Variants in UGT2A3 observed in about 807,000 individuals in gnomAD.
The protein encoded by UGT2A3 is UDP-glucuronosyltransferase 2A3.
A neutral mutation model predicts 44.1 loss-of-function variants in UGT2A3; 55 were observed. That is an observed-to-expected ratio of 1.25 (90% CI 1.00 to 1.56). UGT2A3 has a LOEUF of 1.56. UGT2A3 is among the 40% of genes most tolerant of loss of function. The probability of loss-of-function intolerance (pLI) is 0.00; values close to 1 mark genes in which losing one functional copy is unlikely to be tolerated. For missense variants in UGT2A3, 733 were observed against 621.6 expected, an observed-to-expected ratio of 1.18 and a Z score of -1.91; for synonymous variants, 243 against 215.1, an observed-to-expected ratio of 1.13 and a Z score of -1.13.
At chr4:68,948,179 TTACTGAG>T (rs941362726) in intron 1 of UGT2A3, among the ~76,000 whole-genome samples, 12 of 151,826 alleles carry the variant, frequency 7.9e-5, no homozygotes, top group African/African-American at 2.9e-4. Flanking sequence ...GTAGCCACAT[TTACTGAG>T]TATATTAGCT....
chr4:68,931,858 T>G, intron 3 of UGT2A3, among the ~76,000 whole-genome samples: 1 of 152,006 alleles, frequency 6.6e-6, no homozygotes, highest in East Asian at 1.9e-4. Flanking sequence ...CTATACAAAT[T>G]TTATACATTT....
intron 1 of UGT2A3, among the ~76,000 whole-genome samples, chr4:68,947,677 T>G (rs1718429698): frequency 6.6e-6 from 1 of 151,846 alleles, no homozygotes; most frequent in Non-Finnish European, 1.5e-5. Flanking sequence ...ATTTCTTACA[T>G]AAGACTTGAA....
At chr4:68,944,255 T>G (rs995576582) in intron 2 of UGT2A3, among the ~76,000 whole-genome samples, 6 of 151,906 alleles carry the variant, frequency 3.9e-5, no homozygotes, top group Middle Eastern at 3.4e-3. Flanking sequence ...TGTCTTCCAG[T>G]GTAAACAAGT....
At chr4:68,935,695 C>T (rs1343714509) in intron 2 of UGT2A3, among the ~76,000 whole-genome samples, 2 of 151,998 alleles carry the variant, frequency 1.3e-5, no homozygotes, top group South Asian at 2.1e-4. Context: ...TGGATCAAAG[C>T]TGGATGGAGA....
intron 2 of UGT2A3, among the ~76,000 whole-genome samples, chr4:68,940,829 G>C (rs1486342394): frequency 6.8e-6 from 1 of 147,184 alleles, no homozygotes; most frequent in Non-Finnish European, 1.5e-5. Flanking sequence ...CACCAAAACA[G>C]TATGGCAGTG....
chr4:68,943,198 AGTGTGTGTTTGTGTGTGTGTGTTTGTGT>A, intron 2 of UGT2A3: 2 of 476,890 alleles, frequency 4.2e-6, no homozygotes, highest in Non-Finnish European at 6.5e-6. Flanking sequence ...TATTTCTATG[AGTGTGTGTTTGTGTGTGTGTGTTTGTGT>A]GTGTGTGTAA....
intron 2 of UGT2A3, among the ~76,000 whole-genome samples, chr4:68,933,317 G>T (rs1041428565): frequency 6.6e-6 from 1 of 151,962 alleles, no homozygotes; most frequent in Non-Finnish European, 1.5e-5. Context: ...AACCAAAATA[G>T]CATCAGTCAC....
chr4:68,931,634 T>C (rs1340532007), intron 3 of UGT2A3, among the ~76,000 whole-genome samples: 2 of 152,038 alleles, frequency 1.3e-5, no homozygotes, highest in African/African-American at 2.4e-5. Flanking sequence ...AAATTTACAG[T>C]TCCCTGCAGA....
intron 1 of UGT2A3, among the ~76,000 whole-genome samples, chr4:68,948,506 T>G (rs1186697082): frequency 7.6e-6 from 1 of 130,994 alleles, no homozygotes; most frequent in Non-Finnish European, 1.6e-5. Context: ...AGTGGAGCAA[T>G]CATAGCTCAC....
chr4:68,929,135 G>A lies in UGT2A3; in HGVS notation c.*678C>T, dbSNP rs1229472120. 1.3e-5 allele frequency: 2 copies of A among 151,972 alleles called. No individual in the cohort carries two copies. The highest frequency in any genetic ancestry group is 2.9e-5 in the Non-Finnish European group (2 of 67,964). 9.4% of individuals were successfully genotyped at this position (151,972 alleles called of 1,614,324 possible). A position where few individuals can be genotyped will look rare whatever the true frequency, so the allele number is the denominator to read the frequency against. On this transcript the variant is annotated 3_prime_UTR_variant, in exon 6 of 6. Coordinates refer to ENST00000251566, the MANE Select transcript of UGT2A3 (RefSeq NM_024743.4). Reference sequence around the variant, plus strand: ...TGTTCTCTATGTGAGAAAAAAAATAGTTTCTTTTGTTATTTGATGGCAATC... The same window carrying A: ...TGTTCTCTATGTGAGAAAAAAAATAATTTCTTTTGTTATTTGATGGCAATC...
intron 1 of UGT2A3, among the ~76,000 whole-genome samples, chr4:68,949,411 T>G (rs1718499080): frequency 6.6e-6 from 1 of 151,858 alleles, no homozygotes; most frequent in Non-Finnish European, 1.5e-5. Context: ...ACAACATTTA[T>G]AATTAAGTTT....
In UGT2A3 at chr4:68,930,004, C is replaced by T; in HGVS notation, c.1393G>A (p.Val465Ile). ...TGCTTGGCTCCTTTGTGGCGCATGACAAACTCGATCCAGAAGACTGCTCGA... is the reference window on the plus strand; with the variant it reads ...TGCTTGGCTCCTTTGTGGCGCATGATAAACTCGATCCAGAAGACTGCTCGA... Reference protein sequence around the residue: ...LDRAVFWIEFVMRHKGAKHLR... With the variant: ...LDRAVFWIEFIMRHKGAKHLR... Residue 465 changes from valine (V) to isoleucine (I), a missense_variant, in exon 6 of 6, where the codon GTC becomes ATC. Transcript: ENST00000251566. 1 of 1,613,618 alleles carries T rather than the reference C, an allele frequency of 6.2e-7. No individual in the cohort carries two copies. Among genetic ancestry groups the T allele is most frequent in the Non-Finnish European group, 8.5e-7 (1 of 1,179,672 alleles).
chr4:68,930,106 A>G lies in UGT2A3; in HGVS notation c.1305-14T>C. On this transcript the variant is annotated splice_polypyrimidine_tract_variant and intron_variant, in intron 5 of 5. Transcript: ENST00000251566. ...TTCTCTTTATAACTGGAAGGGAAAAACACACATAGAACTTAGAAAGTTGTA... is the reference window on the plus strand; with the variant it reads ...TTCTCTTTATAACTGGAAGGGAAAAGCACACATAGAACTTAGAAAGTTGTA... 6.3e-7 allele frequency: 1 copy of G among 1,598,114 alleles called. No individual in the cohort carries two copies. Among genetic ancestry groups the G allele is most frequent in the Non-Finnish European group, 8.5e-7 (1 of 1,171,176 alleles).
At position 68,931,164 on chromosome 4, in the gene UGT2A3, C is replaced by A; in HGVS notation, c.1075G>T (p.Asp359Tyr). 2 of 1,611,358 alleles carry A rather than the reference C, an allele frequency of 1.2e-6. No homozygotes were observed. Among genetic ancestry groups the A allele is most frequent in the Non-Finnish European group, 8.5e-7 (1 of 1,178,618 alleles). ...TRLYDWIPQN[D>Y]LLGHPKTKAF... ...TTTCTCATAGACCTACCAAGAAGAT[C>A]ATTCTGGGGTATCCAATCATACAGC... The change falls in exon 4 of 6, where the codon GAT (aspartate) becomes TAT (tyrosine). Residue 359 changes from aspartate (D) to tyrosine (Y), a missense_variant. Transcript: ENST00000251566.
chr4:68,948,314 T>C (rs1395616216), intron 1 of UGT2A3, among the ~76,000 whole-genome samples: 7 of 151,854 alleles, frequency 4.6e-5, no homozygotes, highest in Admixed American at 3.3e-4. Flanking sequence ...TTCTGCATCT[T>C]CCTCTCCTCT....
At chr4:68,950,963 A>G (rs1718560289) in intron 1 of UGT2A3, 83 bp downstream of exon 1, 3 of 960,040 alleles carry the variant, frequency 3.1e-6, no homozygotes, top group East Asian at 5.5e-5. Context: ...TGACCTGCAT[A>G]TATATGTCAT....
intron 2 of UGT2A3, chr4:68,943,357 T>C (rs973940674): frequency 7.5e-5 from 95 of 1,263,130 alleles, no homozygotes; most frequent in Non-Finnish European, 9.5e-5. Flanking sequence ...TTAAGAGAGC[T>C]TGGTTTTCTG....
intron 1 of UGT2A3, among the ~76,000 whole-genome samples, chr4:68,949,332 C>T (rs79323313): frequency 0.023 from 3,452 of 151,860 alleles, 58 homozygotes; most frequent in Middle Eastern, 0.078. Flanking sequence ...ATTACTGTGT[C>T]TCAGGGAATA....
intron 2 of UGT2A3, among the ~76,000 whole-genome samples, chr4:68,934,201 AC>A (rs1262029279): frequency 3.3e-5 from 5 of 152,032 alleles, no homozygotes; most frequent in African/African-American, 1.2e-4. Context: ...AAATAAAAAA[AC>A]AAAAGAAACT....
Sources: gnomAD v4.1 joint callset for allele counts (sites outside exome capture counted in the v4.1 genomes callset) on GRCh38, gnomAD v4.1.1 for gene constraint, MANE v1.5 for transcripts, NCBI Gene and HGNC (gene_info 2026-07-23, HGNC 2026-07-21) for gene names.